The following FAM3D variants were observed in gnomAD, a reference collection of about 807,000 sequenced individuals.
The protein encoded by FAM3D is FAM3 metabolism regulating signaling molecule D, also known as protein FAM3D.
Under a neutral mutation model 29.8 loss-of-function variants are expected in FAM3D, and 26 were observed. The ratio of observed to expected loss-of-function variants is 0.87; its 90% CI spans 0.64 to 1.21. The LOEUF is 1.21. Among genes scored for constraint, FAM3D ranks in the 50% most tolerant of loss-of-function variants. FAM3D has a pLI of 0.00. For synonymous variants in FAM3D, 115 were observed against 102.3 expected (o/e 1.12, Z -0.75); for missense variants, 253 against 290.9 (o/e 0.87, Z 0.95).
chr3:58,655,010 G>T (rs1160112614), intron 2 of FAM3D, among the ~76,000 whole-genome samples: 1 of 152,200 alleles, frequency 6.6e-6, no homozygotes, highest in Non-Finnish European at 1.5e-5. Flanking sequence ...CTGAGAGGCG[G>T]TCACTTCCCC....
intron 1 of FAM3D, among the ~76,000 whole-genome samples, chr3:58,661,606 C>T (rs1349980903): frequency 6.6e-6 from 1 of 152,200 alleles, no homozygotes; most frequent in Non-Finnish European, 1.5e-5. Context: ...AATTGGGAGT[C>T]TGTATAACGT....
intron 1 of FAM3D, among the ~76,000 whole-genome samples, chr3:58,659,305 C>T (rs914180267): frequency 7.9e-5 from 12 of 152,188 alleles, no homozygotes; most frequent in African/African-American, 2.9e-4. Context: ...AATGCCATCA[C>T]AGCTCCTTTC....
intron 7 of FAM3D, among the ~76,000 whole-genome samples, chr3:58,638,336 A>T (rs1188389448): frequency 3.3e-5 from 5 of 152,250 alleles, no homozygotes. Flanking sequence ...AATAATGCAG[A>T]TATTATTCTA....
At chr3:58,656,025 T>C (rs2066786374) in intron 1 of FAM3D, among the ~76,000 whole-genome samples, 1 of 152,160 alleles carries the variant, frequency 6.6e-6, no homozygotes, top group African/African-American at 2.4e-5. Flanking sequence ...TCCATCTGTC[T>C]ATCCTCTATC....
At chr3:58,657,315 G>A (rs760818314) in intron 1 of FAM3D, among the ~76,000 whole-genome samples, 3 of 151,032 alleles carry the variant, frequency 2.0e-5, no homozygotes, top group Admixed American at 6.6e-5. Flanking sequence ...CAGAGGGTGT[G>A]TACAGAGACA....
At chr3:58,660,509 G>A (rs192242849) in intron 1 of FAM3D, among the ~76,000 whole-genome samples, 7 of 152,242 alleles carry the variant, frequency 4.6e-5, no homozygotes, top group Middle Eastern at 3.4e-3. Context: ...GATAAACAGC[G>A]AATAAATCCA....
rs2066108490 is a variant in FAM3D, at chr3:58,634,576, C to T, written c.586-208G>A. The T allele has an allele frequency of 5.8e-6, 3 of 520,094 alleles. No homozygotes were observed. The highest frequency in any genetic ancestry group is 7.3e-5 in the Admixed American group (2 of 27,246). The allele number at this position is 520,094 out of a possible 1,614,324, so 32.2% of individuals were successfully genotyped here. ...AGAGCCCAGTTAACTGCTCTCACGC[C>T]CTGAAGGGTAACCAGTTGTTGGAGA... On this transcript the variant is annotated intron_variant, in intron 9 of 9. Transcript: ENST00000358781. This position sits in a 1 kb window ranked among gnomAD's most constrained non-coding sequence, Gnocchi z 4.6.
chr3:58,653,704 T>G lies in FAM3D; in HGVS notation c.91A>C (p.Met31Leu). 1 of 1,614,054 alleles carries G rather than the reference T, an allele frequency of 6.2e-7. No individual in the cohort carries two copies. The highest frequency in any genetic ancestry group is 1.1e-5 in the South Asian group (1 of 91,086). Residue 31 changes from methionine (M) to leucine (L), a missense_variant, in exon 3 of 10, where the codon ATG (methionine) becomes CTG (leucine). Met to Leu is a conservative substitution (Grantham distance 15). Transcript: ENST00000358781. The part of the protein sequence containing the change: ...MFIRSYMSFS[M>L]KTIRLPRWLA... ...CAGCGTGGCAGACGGATGGTTTTCA[T>G]GCTGAAGCTCATGTAGCTTCGAATA...
chr3:58,649,550 C>CAG, intron 3 of FAM3D: 1 of 603,308 alleles, frequency 1.7e-6, no homozygotes, highest in Non-Finnish European at 3.0e-6. Flanking sequence ...TACACACACG[C>CAG]ACACACATAT....
At chr3:58,645,681 G>A in intron 4 of FAM3D, 55 bp from the exon 5 acceptor site, 4 of 1,483,770 alleles carry the variant, frequency 2.7e-6, no homozygotes, top group Admixed American at 3.4e-5. Context: ...GTACTTGGGG[G>A]AGAAGGAGGG....
At position 58,661,745 on chromosome 3, in the gene FAM3D, A is replaced by G. The variant is rs1169821517; in HGVS notation, c.-39+4831T>C. Among the ~76,000 whole-genome samples, 6 of 152,306 alleles carry G rather than the reference A, an allele frequency of 3.9e-5. No homozygotes were observed. In the East Asian group the frequency reaches 1.2e-3, roughly 29 times the overall value. Reference sequence around the variant, plus strand: ...CTCTAATTTAGTGAAGATTAAAGGCAAGAATGCACCCAAAACCCAACACCT... The same window carrying G: ...CTCTAATTTAGTGAAGATTAAAGGCGAGAATGCACCCAAAACCCAACACCT... On this transcript the variant is annotated intron_variant, in intron 1 of 9. Coordinates refer to ENST00000358781, the MANE Select transcript of FAM3D (RefSeq NM_138805.3).
intron 1 of FAM3D, among the ~76,000 whole-genome samples, chr3:58,660,357 C>G (rs2066907902): frequency 6.6e-6 from 1 of 152,178 alleles, no homozygotes; most frequent in South Asian, 2.1e-4. Context: ...AAAAGCCATC[C>G]TGAACACCCG....
intron 7 of FAM3D, among the ~76,000 whole-genome samples, chr3:58,638,425 G>A (rs796562025): frequency 2.4e-4 from 37 of 152,344 alleles, no homozygotes; most frequent in African/African-American, 8.9e-4. Context: ...TCTGTCAAAT[G>A]AGGATGAGTA....
In FAM3D at chr3:58,635,701, T is replaced by A. The variant is rs1193387404; in HGVS notation, c.585+593A>T. On this transcript the variant is annotated intron_variant, in intron 9 of 9. Transcript: ENST00000358781. The surrounding 1 kb of genome is among the most constrained non-coding windows in gnomAD (Gnocchi z 5.2). ...TTCAAGTAATTTCTAGTTACCCAAA[T>A]ACATCCTCTTAGAAACACACGCATA... is the stretch of plus-strand genomic sequence containing the variant. Among the ~76,000 whole-genome samples the A allele has an allele frequency of 1.3e-5, 2 of 152,214 alleles. No homozygotes were observed. Among genetic ancestry groups the A allele is most frequent in the South Asian group, 2.1e-4 (1 of 4,832 alleles).
At chr3:58,637,546 C>T (rs1003879856) in intron 7 of FAM3D, among the ~76,000 whole-genome samples, 3 of 152,094 alleles carry the variant, frequency 2.0e-5, no homozygotes, top group Non-Finnish European at 4.4e-5. Flanking sequence ...GTGTGCCTAC[C>T]CCTCTGGGGA....
rs2066122945 is a variant in FAM3D, at chr3:58,635,045, C to T, written c.586-677G>A. On this transcript the variant is annotated intron_variant, in intron 9 of 9. Coordinates refer to ENST00000358781, the MANE Select transcript of FAM3D (RefSeq NM_138805.3). The surrounding 1 kb of genome is among the most constrained non-coding windows in gnomAD (Gnocchi z 5.2). ...AAAAAATTAGCTGGATGTGGTGGCACATGCCTGTGGTCCCAGCTACTCAGG... is the reference window on the plus strand; with the variant it reads ...AAAAAATTAGCTGGATGTGGTGGCATATGCCTGTGGTCCCAGCTACTCAGG... 6.6e-6 allele frequency among the ~76,000 whole-genome samples: 1 copy of T among 152,086 alleles called. No individual in the cohort carries two copies. Among genetic ancestry groups the T allele is most frequent in the African/African-American group, 2.4e-5 (1 of 41,390 alleles).
At chr3:58,660,067 G>A (rs2066902778) in intron 1 of FAM3D, among the ~76,000 whole-genome samples, 1 of 152,216 alleles carries the variant, frequency 6.6e-6, no homozygotes, top group Non-Finnish European at 1.5e-5. Flanking sequence ...CTGTGTGCAT[G>A]AGTGCGGGAG....
At chr3:58,647,214 C>G (rs1400572296) in intron 4 of FAM3D, among the ~76,000 whole-genome samples, 2 of 152,226 alleles carry the variant, frequency 1.3e-5, no homozygotes, top group Non-Finnish European at 2.9e-5. Flanking sequence ...GACATTGTCA[C>G]CCAGAGAGTG....
intron 1 of FAM3D, among the ~76,000 whole-genome samples, chr3:58,660,448 C>T (rs1035205993): frequency 4.6e-5 from 7 of 152,296 alleles, no homozygotes; most frequent in South Asian, 2.1e-4. Context: ...TTCTTATAAA[C>T]GCCCAATATT....
Sources: gnomAD v4.1 joint callset for allele counts (sites outside exome capture counted in the v4.1 genomes callset) on GRCh38, gnomAD v4.1.1 for gene constraint, Gnocchi (gnomAD v3.1) non-coding constraint, MANE v1.5 for transcripts, NCBI Gene and HGNC (gene_info 2026-07-23, HGNC 2026-07-21) for gene names.